SLC39A11: variants seen among roughly 807,000 people sequenced by gnomAD.
SLC39A11 encodes solute carrier family 39 member 11, also known as zinc transporter ZIP11.
Under a neutral mutation model 36.1 loss-of-function variants are expected in SLC39A11, and 33 were observed. The ratio of observed to expected loss-of-function variants is 0.91; its 90% CI spans 0.69 to 1.22. The LOEUF (loss-of-function observed/expected upper bound fraction) is 1.22. SLC39A11 is among the 50% of genes most tolerant of loss of function. SLC39A11 has a pLI of 0.00. For synonymous variants in SLC39A11, 166 were observed against 170.3 expected (o/e 0.97, Z 0.20); for missense variants, 432 against 430.3 (o/e 1.00, Z -0.03).
chr17:72,987,807 A>G (rs977995425), intron 4 of SLC39A11, among the ~76,000 whole-genome samples: 75 of 151,952 alleles, frequency 4.9e-4, no homozygotes, highest in African/African-American at 1.8e-3. Flanking sequence ...TCCCTCATCC[A>G]CTCACCCATC....
At chr17:72,651,331 C>A (rs558271254) in intron 7 of SLC39A11, among the ~76,000 whole-genome samples, 22 of 151,624 alleles carry the variant, frequency 1.5e-4, no homozygotes, top group African/African-American at 4.3e-4. Flanking sequence ...AGCCCACCCC[C>A]CTCCCAGGAG....
At chr17:73,061,937 A>G (rs888270861) in intron 3 of SLC39A11, among the ~76,000 whole-genome samples, 1 of 152,114 alleles carries the variant, frequency 6.6e-6, no homozygotes, top group Non-Finnish European at 1.5e-5. Context: ...TCAATGCTGC[A>G]GTGACCTCGT....
chr17:72,864,270 G>T (rs2080190687), intron 5 of SLC39A11, among the ~76,000 whole-genome samples: 1 of 150,926 alleles, frequency 6.6e-6, no homozygotes, highest in Non-Finnish European at 1.5e-5. Context: ...CCACCAGATA[G>T]TTGGTTTAGG....
intron 4 of SLC39A11, among the ~76,000 whole-genome samples, chr17:73,026,187 G>GAGAAGAGAAGAGAAGAGA (rs1555683082): frequency 8.6e-3 from 31 of 3,584 alleles, no homozygotes; most frequent in African/African-American, 0.013. Flanking sequence ...AGAAAGAGAA[G>GAGAAGAGAAGAGAAGAGA]AGAGAAGAGA....
At chr17:73,036,101 C>T (rs1218601121) in intron 3 of SLC39A11, among the ~76,000 whole-genome samples, 1 of 152,134 alleles carries the variant, frequency 6.6e-6, no homozygotes, top group East Asian at 1.9e-4. Context: ...GACTTTGTCC[C>T]AGTTAAAATC....
At chr17:73,047,966 C>A (rs76503208) in intron 3 of SLC39A11, among the ~76,000 whole-genome samples, 7 of 20,492 alleles carry the variant, frequency 3.4e-4, no homozygotes, top group Admixed American at 7.1e-4. Flanking sequence ...GACTCCATCT[C>A]AAAAAAAAAA....
At chr17:72,998,586 C>A (rs746621141) in intron 4 of SLC39A11, among the ~76,000 whole-genome samples, 3 of 152,024 alleles carry the variant, frequency 2.0e-5, no homozygotes, top group Non-Finnish European at 4.4e-5. Flanking sequence ...AAAACAAAGA[C>A]GTGATAGGAA....
intron 4 of SLC39A11, among the ~76,000 whole-genome samples, chr17:72,953,653 G>GC (rs961018565): frequency 3.9e-5 from 6 of 152,168 alleles, no homozygotes; most frequent in East Asian, 3.9e-4. Flanking sequence ...GCGAACTAAG[G>GC]CCCCCCCTAC....
intron 3 of SLC39A11, among the ~76,000 whole-genome samples, chr17:73,045,426 G>T (rs986359035): frequency 2.6e-5 from 3 of 115,984 alleles, no homozygotes; most frequent in Non-Finnish European, 5.2e-5. Flanking sequence ...TCCATGCCCA[G>T]TCCTGCTCCA....
intron 5 of SLC39A11, among the ~76,000 whole-genome samples, chr17:72,857,929 T>C (rs1335198376): frequency 6.6e-6 from 1 of 152,246 alleles, no homozygotes; most frequent in African/African-American, 2.4e-5. Flanking sequence ...GTAGGTTGTC[T>C]GTTTACTCTG....
chr17:72,664,439 G>A (rs1452553391), intron 7 of SLC39A11, among the ~76,000 whole-genome samples: 3 of 152,144 alleles, frequency 2.0e-5, no homozygotes, highest in African/African-American at 7.2e-5. Flanking sequence ...GCCATTCTTG[G>A]CTACTCTCTG....
At chr17:73,084,310 G>A (rs1268078775) in intron 3 of SLC39A11, among the ~76,000 whole-genome samples, 1 of 151,928 alleles carries the variant, frequency 6.6e-6, no homozygotes, top group Non-Finnish European at 1.5e-5. Context: ...GTTGGCACAT[G>A]CCTGTAGTCC....
intron 4 of SLC39A11, among the ~76,000 whole-genome samples, chr17:72,994,233 T>C (rs899261457): frequency 1.3e-5 from 2 of 152,184 alleles, no homozygotes; most frequent in African/African-American, 4.8e-5. Context: ...TGGAGCATTG[T>C]ATAACAGTCA....
intron 6 of SLC39A11, among the ~76,000 whole-genome samples, chr17:72,846,422 C>A (rs1289419705): frequency 6.6e-6 from 1 of 152,232 alleles, no homozygotes; most frequent in African/African-American, 2.4e-5. Flanking sequence ...AGAATAGGGT[C>A]TCCTGTCAGG....
At chr17:73,065,566 C>T (rs78267451) in intron 3 of SLC39A11, among the ~76,000 whole-genome samples, 5 of 152,094 alleles carry the variant, frequency 3.3e-5, no homozygotes, top group Admixed American at 6.6e-5. Context: ...ATCCTTCCCC[C>T]GAGCAAAAAG....
Position 72,646,364 on chromosome 17 carries a change from T to G in SLC39A11, c.*1220A>C, listed in dbSNP as rs1299731638. ...CAATGAGGATGGCAGGCCTTATCTGTGTTTGAAGTGGACAGGTCATTGCTA... is the reference window on the plus strand; with the variant it reads ...CAATGAGGATGGCAGGCCTTATCTGGGTTTGAAGTGGACAGGTCATTGCTA... On this transcript the variant is annotated 3_prime_UTR_variant, in exon 10 of 10. Transcript: ENST00000255559. The G allele has an allele frequency of 1.3e-5, 2 of 152,316 alleles. No homozygotes were observed. The highest frequency in any genetic ancestry group is 4.8e-5 in the African/African-American group (2 of 41,440). 9.4% of individuals were successfully genotyped at this position (152,316 alleles called of 1,614,324 possible). A position where few individuals can be genotyped will look rare whatever the true frequency, so the allele number is the denominator to read the frequency against.
intron 4 of SLC39A11, chr17:72,993,089 T>TC (rs2089285234): frequency 6.6e-6 from 1 of 152,080 alleles, no homozygotes; most frequent in Non-Finnish European, 1.5e-5. Flanking sequence ...ACTAGGTCCC[T>TC]CCCAGGACAT....
intron 7 of SLC39A11, among the ~76,000 whole-genome samples, chr17:72,662,444 A>G (rs1395719335): frequency 6.7e-6 from 1 of 149,294 alleles, no homozygotes; most frequent in Non-Finnish European, 1.5e-5. Flanking sequence ...AAAGAAAGAA[A>G]AGAAAAAAAA....
At chr17:72,906,596 A>G (rs1032730726) in intron 5 of SLC39A11, among the ~76,000 whole-genome samples, 5 of 152,184 alleles carry the variant, frequency 3.3e-5, no homozygotes, top group African/African-American at 1.2e-4. Context: ...AGAGATATAC[A>G]CTGAATCCTC....
Sources: allele counts gnomAD v4.1 joint callset (sites outside exome capture counted in the v4.1 genomes callset), GRCh38; gene constraint gnomAD v4.1.1; transcripts MANE v1.5; gene names NCBI Gene and HGNC (gene_info 2026-07-23, HGNC 2026-07-21).